ZNF695: variants seen among roughly 807,000 people sequenced by gnomAD.
ZNF695 encodes zinc finger protein SBZF3.
A neutral mutation model predicts 11.2 loss-of-function variants in ZNF695; 11 were observed. That is an observed-to-expected ratio of 0.98 (90% CI 0.62 to 1.62). The LOEUF (loss-of-function observed/expected upper bound fraction) is 1.62. ZNF695 is among the 40% of genes most tolerant of loss of function. ZNF695 has a pLI of 0.00. For missense variants in ZNF695, 559 were observed against 590.5 expected (o/e 0.95, Z 0.55); for synonymous variants, 190 against 201.4 (o/e 0.94, Z 0.48).
chr1:246,975,126 C>T (rs1231141030), intron 4 of ZNF695, among the ~76,000 whole-genome samples: 1 of 152,166 alleles, frequency 6.6e-6, no homozygotes, highest in Non-Finnish European at 1.5e-5. Context: ...TCTCCTTTAA[C>T]CACATTGTGA....
chr1:246,987,339 G>A lies in ZNF695; in HGVS notation c.1176C>T (p.Phe392=), dbSNP rs1668881776. The A allele has an allele frequency of 6.2e-7, 1 of 1,611,102 alleles. No homozygotes were observed. The highest frequency in any genetic ancestry group is 8.5e-7 in the Non-Finnish European group (1 of 1,179,210). Residue 392 remains phenylalanine, a synonymous_variant, in exon 4 of 4, where the codon TTC becomes TTT. Coordinates refer to ENST00000339986, the MANE Select transcript of ZNF695 (RefSeq NM_020394.5). ...TTCTCTTATGCTGAATAAGGTATGA[G>A]AACCAGGTAAAAGCTTTGCCACATT... ...CEECGKAFTW[F]SYLIQHKRIH... is the part of the protein sequence containing the mutation.
intron 5 of ZNF695, among the ~76,000 whole-genome samples, chr1:246,958,115 G>A (rs1213068793): frequency 6.6e-6 from 1 of 151,488 alleles, no homozygotes; most frequent in Non-Finnish European, 1.5e-5. Context: ...CTGGAGTGCA[G>A]TGGCGCGATC....
exon 6 of ZNF695, chr1:246,945,808 C>G (rs1055964574): frequency 2.6e-6 from 4 of 1,549,898 alleles, no homozygotes; most frequent in Non-Finnish European, 2.6e-6. Context: ...CAAAGCAGCT[C>G]GATGGTCGAC....
In ZNF695 at chr1:246,986,591, T is replaced by C; in HGVS notation, c.*376A>G. On this transcript the variant is annotated 3_prime_UTR_variant, in exon 4 of 4. Coordinates refer to ENST00000339986, the MANE Select transcript of ZNF695 (RefSeq NM_020394.5). ...TTTACTGCATCTGTAAAACAGTTTT[T>C]AGTGTGAACACTCTGGTGTTTTCTG... 1 of 1,005,492 alleles carries C rather than the reference T, an allele frequency of 9.9e-7. No homozygotes were observed. Among genetic ancestry groups the C allele is most frequent in the Non-Finnish European group, 1.2e-6 (1 of 843,380 alleles). The allele number at this position is 1,005,492 out of a possible 1,614,324, so 62.3% of individuals were successfully genotyped here. A position where few individuals can be genotyped will look rare whatever the true frequency, so the allele number is the denominator to read the frequency against.
intron 3 of ZNF695, among the ~76,000 whole-genome samples, chr1:246,990,532 C>T (rs1482581843): frequency 6.6e-6 from 1 of 152,146 alleles, no homozygotes; most frequent in Non-Finnish European, 1.5e-5. Context: ...ACTTCAGGAC[C>T]TCATTTGCAG....
At chr1:246,953,444 T>A (rs1331066559) in intron 5 of ZNF695, among the ~76,000 whole-genome samples, 1 of 150,902 alleles carries the variant, frequency 6.6e-6, no homozygotes, top group Non-Finnish European at 1.5e-5. Flanking sequence ...CCGCATCTAG[T>A]AAAAAAAATA....
At chr1:247,004,583 C>T (rs915087150) in intron 1 of ZNF695, among the ~76,000 whole-genome samples, 1 of 152,134 alleles carries the variant, frequency 6.6e-6, no homozygotes, top group Non-Finnish European at 1.5e-5. Context: ...TAAGTCCTAA[C>T]TAGAACAGAC....
In ZNF695 at chr1:246,987,173, A is replaced by C. The variant is rs1405149620; in HGVS notation, c.1342T>G (p.Phe448Val). Reference protein sequence around the residue: ...CDECGKAFNWFSYLTNHKRIH... With the variant: ...CDECGKAFNWVSYLTNHKRIH... ...CTCTTATGATTAGTAAGATATGAAAACCAGTTAAAAGCTTTGCCACATTCA... is the reference window on the plus strand; with the variant it reads ...CTCTTATGATTAGTAAGATATGAAACCCAGTTAAAAGCTTTGCCACATTCA... Residue 448 changes from phenylalanine to valine, a missense_variant, in exon 4 of 4, where the codon TTT (phenylalanine) becomes GTT (valine). Physicochemically the swap from Phe to Val is conservative, Grantham distance 50. Transcript: ENST00000339986. 1.2e-6 allele frequency: 2 copies of C among 1,613,568 alleles called. No individual in the cohort carries two copies. Among genetic ancestry groups the C allele is most frequent in the South Asian group, 2.2e-5 (2 of 91,052 alleles).
intron 4 of ZNF695, among the ~76,000 whole-genome samples, chr1:246,975,452 C>T (rs72766594): frequency 0.071 from 10,741 of 152,162 alleles, 632 homozygotes; most frequent in African/African-American, 0.16. Flanking sequence ...GCTTAGTCTA[C>T]GGAGGAAACA....
Position 246,987,775 on chromosome 1 carries a change from T to C in ZNF695, c.740A>G (p.Asn247Ser), listed in dbSNP as rs1471526745. The C allele has an allele frequency of 6.2e-7, 1 of 1,601,314 alleles. No individual in the cohort carries two copies. The highest frequency in any genetic ancestry group is 2.2e-5 in the East Asian group (1 of 44,852). The stretch of plus-strand genomic sequence containing the variant: ...AAGACTTGAGCAAGACTTAAAAATG[T>C]TATTACATTCTTCACATTTGCAATG... ...EKHCKCEECN[N>S]IFKSCSSLAV... The change falls in exon 4 of 4, where the codon AAC (asparagine) becomes AGC (serine). Residue 247 changes from asparagine to serine, a missense_variant. Transcript: ENST00000339986.
intron 5 of ZNF695, among the ~76,000 whole-genome samples, chr1:246,958,593 G>C (rs1340982321): frequency 6.6e-6 from 1 of 152,128 alleles, no homozygotes; most frequent in African/African-American, 2.4e-5. Flanking sequence ...GCAAGCATCA[G>C]CTGCTGTCAT....
At chr1:246,967,763 C>T in exon 5 of ZNF695, 2 of 386,644 alleles carry the variant, frequency 5.2e-6, no homozygotes, top group African/African-American at 2.1e-5. Flanking sequence ...TGGCAGAAGG[C>T]AAAGGGGAAG....
chr1:246,963,473 G>A lies in ZNF695; in HGVS notation c.488+4222C>T, dbSNP rs567263865. Among the ~76,000 whole-genome samples, 271 of 152,278 alleles carry A rather than the reference G, an allele frequency of 1.8e-3. 1 individual carries two copies. Among genetic ancestry groups the A allele is most frequent in the African/African-American group, 6.3e-3 (263 of 41,560 alleles). On this transcript the variant is annotated intron_variant, in intron 5 of 5. Transcript: ENST00000487338. ...AAACAGGCAAACTTCCTGACTTGTA[G>A]AGCTTCCCTTCCAGTGGTGGTGATG...
chr1:246,987,372 T>G lies in ZNF695; in HGVS notation c.1143A>C (p.Lys381Asn), dbSNP rs181576948. 212 of 1,613,606 alleles carry G rather than the reference T, an allele frequency of 1.3e-4. No homozygotes were observed. The highest frequency in any genetic ancestry group is 8.3e-4 in the Middle Eastern group (5 of 6,056). The change falls in exon 4 of 4, where the codon AAA becomes AAC. Residue 381 changes from lysine to asparagine, a missense_variant. Coordinates refer to ENST00000339986, the MANE Select transcript of ZNF695 (RefSeq NM_020394.5). ...RRIHTGEKPY[K>N]CEECGKAFTW... is the part of the protein sequence containing the mutation. ...TAAAAGCTTTGCCACATTCCTCACA[T>G]TTGTATGGTTTCTCACCAGTATGAA...
intron 1 of ZNF695, among the ~76,000 whole-genome samples, chr1:247,006,546 GTTGCAGT>G (rs1390468280): frequency 2.0e-5 from 3 of 152,208 alleles, no homozygotes; most frequent in Non-Finnish European, 4.4e-5. Flanking sequence ...GGAGGTGGAG[GTTGCAGT>G]GAGCCCAGAT....
intron 3 of ZNF695, among the ~76,000 whole-genome samples, chr1:246,992,096 G>A (rs530770917): frequency 2.4e-4 from 37 of 152,074 alleles, no homozygotes; most frequent in African/African-American, 8.2e-4. Context: ...CCCGGGAGGC[G>A]GAGCTTGCAG....
intron 2 of ZNF695, 87 bp from the exon 3 acceptor site, chr1:246,999,527 CATTAGATCCT>C (rs1669304247): frequency 2.0e-6 from 2 of 1,008,176 alleles, no homozygotes; most frequent in Middle Eastern, 4.5e-4. Context: ...GAAAACATCA[CATTAGATCCT>C]AGAAAATTAA....
chr1:246,976,660 G>T (rs961286809), intron 4 of ZNF695, among the ~76,000 whole-genome samples: 1 of 151,876 alleles, frequency 6.6e-6, no homozygotes, highest in African/African-American at 2.4e-5. Flanking sequence ...CAGGCATGGT[G>T]GCGGGCACCT....
rs1010586720 is a variant in ZNF695 at position 246,995,364 on chromosome 1, A to G, written c.259+3984T>C. Among the ~76,000 whole-genome samples, 7 of 152,342 alleles carry G rather than the reference A, an allele frequency of 4.6e-5. No homozygotes were observed. The South Asian group carries it at 1.2e-3, about 27-fold the overall frequency. On this transcript the variant is annotated intron_variant, in intron 3 of 3. Coordinates refer to ENST00000339986, the MANE Select transcript of ZNF695 (RefSeq NM_020394.5). ...AAGACTTAATATTACGAAGATGTTC[A>G]TATCACCCAAGTGACCTACAGATTC...
Sources: gnomAD v4.1 joint callset for allele counts (sites outside exome capture counted in the v4.1 genomes callset) on GRCh38, gnomAD v4.1.1 for gene constraint, MANE v1.5 for transcripts, NCBI Gene and HGNC (gene_info 2026-07-23, HGNC 2026-07-21) for gene names.